DENND6B: variants seen among roughly 807,000 people sequenced by gnomAD.
DENND6B encodes DENN domain containing 6B.
A neutral mutation model predicts 85.1 loss-of-function variants in DENND6B; 73 were observed. The ratio of observed to expected loss-of-function variants is 0.86; its 90% CI spans 0.71 to 1.04. The LOEUF is 1.04. Among genes scored for constraint, DENND6B ranks in the 50% least tolerant of loss-of-function variants. DENND6B has a pLI of 0.00. For missense variants in DENND6B, 715 were observed against 785.8 expected (o/e 0.91, Z 1.08); for synonymous variants, 357 against 329.3 (o/e 1.08, Z -0.91).
chr22:50,326,573 C>T (rs941265253), intron 1 of DENND6B, among the ~76,000 whole-genome samples: 7 of 152,206 alleles, frequency 4.6e-5, no homozygotes, highest in Non-Finnish European at 5.9e-5. Flanking sequence ...GAAAGAGTAC[C>T]ACTTAGGTTA....
chr22:50,317,625 G>A (rs1409993208), intron 4 of DENND6B, among the ~76,000 whole-genome samples: 6 of 152,152 alleles, frequency 3.9e-5, no homozygotes, highest in Non-Finnish European at 1.5e-5. Flanking sequence ...GGCTCGGGGG[G>A]CTGGGGGCCC....
rs372994621 is a variant in DENND6B, at chr22:50,313,699, T to C, written c.1229A>G (p.Asp410Gly). 16 of 1,601,304 alleles carry C rather than the reference T, an allele frequency of 1.0e-5. No homozygotes were observed. In the African/African-American group the frequency reaches 1.5e-4, roughly 15 times the overall value. ...LKGVQKKRPS[D>G]VQSALLRRHL... ...CCGCCGCAGCAGGGCGCTCTGCACA[T>C]CTGACGGCCGCTTCTTCTGCACGCC... The change falls in exon 15 of 20, where the codon GAT (aspartate) becomes GGT (glycine). Residue 410 changes from aspartate to glycine, a missense_variant. Coordinates refer to ENST00000413817, the MANE Select transcript of DENND6B (RefSeq NM_001001794.4).
chr22:50,317,480 T>C (rs2041891149), intron 4 of DENND6B, 107 bp from the exon 5 acceptor site: 1 of 1,293,868 alleles, frequency 7.7e-7, no homozygotes, highest in Non-Finnish European at 1.1e-6. Context: ...GATGGAAGGC[T>C]GGAGAACCAG....
At chr22:50,315,815 C>T in intron 8 of DENND6B, 46 bp from the exon 9 acceptor site, 1 of 1,484,734 alleles carries the variant, frequency 6.7e-7, no homozygotes, top group Non-Finnish European at 9.0e-7. Context: ...AGGCTGGCAC[C>T]CCTTGGGCCC....
chr22:50,324,446 C>G (rs1007663933), intron 1 of DENND6B, among the ~76,000 whole-genome samples: 1 of 152,150 alleles, frequency 6.6e-6, no homozygotes. Context: ...TTTTTTGAGA[C>G]AGAGTTTCAC....
rs146896278 is a variant in DENND6B at position 50,313,254 on chromosome 22, G to C, written c.1348-146C>G. ...CAGATCCCAGGACAGCCTTTCCCAG[G>C]GAGCAGGCCCTGAGCCCCTCCAAGG... On this transcript the variant is annotated intron_variant, in intron 16 of 19. Coordinates refer to ENST00000413817, the MANE Select transcript of DENND6B (RefSeq NM_001001794.4). The C allele has an allele frequency of 7.3e-4, 844 of 1,154,764 alleles. 6 individuals are homozygous for C. In the African/African-American group the frequency reaches 1.0e-2, roughly 14 times the overall value. The allele number at this position is 1,154,764 out of a possible 1,614,324, so 71.5% of individuals were successfully genotyped here. A position where few individuals can be genotyped will look rare whatever the true frequency, so the allele number is the denominator to read the frequency against.
intron 9 of DENND6B, 47 bp downstream of exon 9, chr22:50,315,667 C>T: frequency 1.9e-6 from 3 of 1,548,296 alleles, no homozygotes; most frequent in Non-Finnish European, 2.6e-6. Context: ...CACGTGCACA[C>T]ACAGTGAGCT....
chr22:50,316,853 G>T, intron 5 of DENND6B: 1 of 853,236 alleles, frequency 1.2e-6, no homozygotes, highest in Non-Finnish European at 1.5e-6. Context: ...ATCAGTGAGG[G>T]GCAGCAGTGT....
chr22:50,318,782 G>GGCCCAGGCTACAGGGAT, intron 3 of DENND6B, 65 bp downstream of exon 3: 1 of 1,596,904 alleles, frequency 6.3e-7, no homozygotes, highest in Non-Finnish European at 8.5e-7. Context: ...TGATGCCCCT[G>GGCCCAGGCTACAGGGAT]GCCCAGGCTA....
intron 1 of DENND6B, among the ~76,000 whole-genome samples, chr22:50,325,105 T>C (rs1234425266): frequency 6.6e-6 from 1 of 152,148 alleles, no homozygotes; most frequent in Non-Finnish European, 1.5e-5. Flanking sequence ...GCCAGGTTTC[T>C]GCACAGACTC....
intron 1 of DENND6B, among the ~76,000 whole-genome samples, chr22:50,326,452 G>A (rs1418861967): frequency 6.6e-6 from 1 of 152,248 alleles, no homozygotes; most frequent in Non-Finnish European, 1.5e-5. Flanking sequence ...GATGGGATGC[G>A]GAGCGGAGGG....
chr22:50,324,650 C>A (rs1373803242), intron 1 of DENND6B, among the ~76,000 whole-genome samples: 1 of 152,232 alleles, frequency 6.6e-6, no homozygotes, highest in Admixed American at 6.5e-5. Flanking sequence ...TCTCAAACTC[C>A]TGAACTCAGG....
intron 1 of DENND6B, chr22:50,319,442 T>C: frequency 1.0e-6 from 1 of 985,322 alleles, no homozygotes; most frequent in Non-Finnish European, 1.2e-6. Flanking sequence ...AACCACCTCT[T>C]GCCCAGACTG....
In DENND6B at chr22:50,314,784, G is replaced by C. The variant is rs372095560; in HGVS notation, c.881+15C>G. On this transcript the variant is annotated intron_variant, in intron 10 of 19. Coordinates refer to ENST00000413817, the MANE Select transcript of DENND6B (RefSeq NM_001001794.4). ...TGGTCCAGCTTCCCCAGCCGGGACC[G>C]GGCCAAGGCGATACCTGGTCAAGGC... 2 of 1,596,714 alleles carry C rather than the reference G, an allele frequency of 1.3e-6. No homozygotes were observed. The highest frequency in any genetic ancestry group is 1.3e-5 in the African/African-American group (1 of 74,596).
intron 1 of DENND6B, among the ~76,000 whole-genome samples, chr22:50,323,103 G>A (rs1193616814): frequency 3.1e-5 from 4 of 128,224 alleles, no homozygotes; most frequent in African/African-American, 1.2e-4. Context: ...TCCTGACCTC[G>A]TGATCAGCCC....
chr22:50,325,119 G>T (rs1450797251), intron 1 of DENND6B, among the ~76,000 whole-genome samples: 1 of 152,138 alleles, frequency 6.6e-6, no homozygotes, highest in African/African-American at 2.4e-5. Context: ...CAGACTCAGT[G>T]ATCTGCAGGT....
chr22:50,325,408 G>A (rs2042163556), intron 1 of DENND6B, among the ~76,000 whole-genome samples: 2 of 137,556 alleles, frequency 1.5e-5, no homozygotes, highest in Admixed American at 1.7e-4. Flanking sequence ...TGCAATCTCT[G>A]CTCACTGCAA....
In DENND6B at chr22:50,314,796, T is replaced by C. The variant is rs1240857459; in HGVS notation, c.881+3A>G. The C allele has an allele frequency of 6.2e-7, 1 of 1,603,772 alleles. No homozygotes were observed. On this transcript the variant is annotated splice_donor_region_variant and intron_variant, in intron 10 of 19. Transcript: ENST00000413817. ...CCCAGCCGGGACCGGGCCAAGGCGA[T>C]ACCTGGTCAAGGCCAGCACCATCTC...
At position 50,318,022 on chromosome 22, in the gene DENND6B, T is replaced by TAAGAAGGGGCAGCCC. The variant is rs769460510; in HGVS notation, c.260-17_260-3dup. On this transcript the variant is annotated splice_region_variant and splice_polypyrimidine_tract_variant and intron_variant, in intron 3 of 19. Coordinates refer to ENST00000413817, the MANE Select transcript of DENND6B (RefSeq NM_001001794.4). ...TGAACTGAGTGTCTCCAAGGCAGCCTAAGAAGGGGCAGCCCCACCACACGG... is the reference window on the plus strand; with the variant it reads ...TGAACTGAGTGTCTCCAAGGCAGCCTAAGAAGGGGCAGCCCAAGAAGGGGCAGCCCCACCACACGG... 1 of 1,611,900 alleles carries TAAGAAGGGGCAGCCC rather than the reference T, an allele frequency of 6.2e-7. No individual in the cohort carries two copies. Among genetic ancestry groups the TAAGAAGGGGCAGCCC allele is most frequent in the East Asian group, 2.2e-5 (1 of 44,854 alleles).
Sources: gnomAD v4.1 joint callset for allele counts (sites outside exome capture counted in the v4.1 genomes callset) on GRCh38, gnomAD v4.1.1 for gene constraint, MANE v1.5 for transcripts, NCBI Gene and HGNC (gene_info 2026-07-23, HGNC 2026-07-21) for gene names.